DHX37: variants seen among roughly 807,000 people sequenced by gnomAD.
The protein encoded by DHX37 is DEAH-box helicase 37, also known as probable ATP-dependent RNA helicase DHX37.
DHX37 carries 52 observed loss-of-function variants against 134.3 expected under a neutral mutation model. The ratio of observed to expected loss-of-function variants is 0.39; its 90% confidence interval spans 0.31 to 0.49. DHX37 has a LOEUF of 0.49. Ranked by LOEUF, DHX37 falls within the 20% of genes least tolerant of loss-of-function variation. The probability of loss-of-function intolerance (pLI) is 0.93; values close to 1 mark genes in which losing one functional copy is unlikely to be tolerated. For synonymous variants in DHX37, 634 were observed against 670.7 expected (o/e 0.95, Z 0.85); for missense variants, 1,344 against 1,580.8 (o/e 0.85, Z 2.54).
At chr12:124,988,850 C>T in intron 1 of DHX37, 67 bp downstream of exon 1, 1 of 1,081,968 alleles carries the variant, frequency 9.2e-7, no homozygotes, top group Non-Finnish European at 1.2e-6. Context: ...CCCGAGAGTC[C>T]TGAAGGCAGG....
At chr12:124,960,479 T>A in intron 15 of DHX37, 56 bp from the exon 16 acceptor site, 1 of 1,600,766 alleles carries the variant, frequency 6.2e-7, no homozygotes, top group African/African-American at 1.3e-5. Context: ...AAACCACAGA[T>A]GAATACAGCC....
chr12:124,978,774 A>C (rs1954698010), intron 4 of DHX37, among the ~76,000 whole-genome samples: 1 of 151,484 alleles, frequency 6.6e-6, no homozygotes, highest in African/African-American at 2.4e-5. Flanking sequence ...AAAAATAAAA[A>C]TAAAAAAGTT....
Position 124,966,853 on chromosome 12 carries a change from C to A in DHX37, c.1530G>T (p.Ser510=). 6.2e-7 allele frequency: 1 copy of A among 1,614,262 alleles called. No individual in the cohort carries two copies. The highest frequency in any genetic ancestry group is 8.5e-7 in the Non-Finnish European group (1 of 1,180,044). The part of the protein sequence containing the change: ...PQEKDDDQKD[S]VEEMRKFKKS... ...TCTTAAACTTCCGCATTTCCTCCAC[C>A]GAGTCTTTCTGATCGTCGTCCTTTT... is the stretch of plus-strand genomic sequence containing the variant. The change falls in exon 12 of 27, where the codon TCG becomes TCT. Residue 510 remains serine, a synonymous_variant. Coordinates refer to ENST00000308736, the MANE Select transcript of DHX37 (RefSeq NM_032656.4).
At chr12:124,971,680 C>A (rs1232011927) in intron 7 of DHX37, among the ~76,000 whole-genome samples, 1 of 152,220 alleles carries the variant, frequency 6.6e-6, no homozygotes, top group Non-Finnish European at 1.5e-5. Context: ...CACTGCCACC[C>A]CCAGGAGTCC....
Position 124,957,068 on chromosome 12 carries a change from A to G in DHX37, c.2225T>C (p.Ile742Thr). ...EALLAAEELL[I>T]ALGALQPPQK... The stretch of plus-strand genomic sequence containing the variant: ...GGGCGGTTGCAGGGCACCCAGTGCG[A>G]TCAACAGCTCCTCGGCGGCAAGAAG... The change falls in exon 17 of 27, where the codon ATC (isoleucine) becomes ACC (threonine). Residue 742 changes from isoleucine (I) to threonine (T), a missense_variant. By Grantham distance (89) the Ile-to-Thr change is moderately conservative. This residue lies in a region of DHX37 where 558 missense variants were observed against 650.0 expected (regional missense o/e 0.86). Transcript: ENST00000308736. The G allele has an allele frequency of 6.6e-7, 1 of 1,504,450 alleles. No homozygotes were observed. Among genetic ancestry groups the G allele is most frequent in the South Asian group, 1.4e-5 (1 of 73,592 alleles). The allele number at this position is 1,504,450 out of a possible 1,614,324, so 93.2% of individuals were successfully genotyped here.
chr12:124,964,409 G>A lies in DHX37; in HGVS notation c.2030C>T (p.Pro677Leu), dbSNP rs1954335751. The A allele has an allele frequency of 6.2e-7, 1 of 1,613,528 alleles. No homozygotes were observed. Among genetic ancestry groups the A allele is most frequent in the Non-Finnish European group, 8.5e-7 (1 of 1,179,856 alleles). The change falls in exon 15 of 27, where the codon CCC (proline) becomes CTC (leucine). Residue 677 changes from proline (P) to leucine (L), a missense_variant. Physicochemically the swap from Pro to Leu is moderately conservative, Grantham distance 98. Around this residue, in one of 7 missense-constraint regions of DHX37, gnomAD observed 39 missense variants for 87.9 expected, o/e 0.44. Coordinates refer to ENST00000308736, the MANE Select transcript of DHX37 (RefSeq NM_032656.4). Reference protein sequence around the residue: ...QRAGRAGRTEPGHCYRLYSSA... With the variant: ...QRAGRAGRTELGHCYRLYSSA... ...GGTGACCCACCTGTAGCAGTGGCCGGGCTCCGTCCGTCCTGCTCTGCCCGC... is the reference window on the plus strand; with the variant it reads ...GGTGACCCACCTGTAGCAGTGGCCGAGCTCCGTCCGTCCTGCTCTGCCCGC...
intron 4 of DHX37, among the ~76,000 whole-genome samples, chr12:124,979,621 G>A (rs1010345712): frequency 2.9e-4 from 44 of 152,284 alleles, no homozygotes; most frequent in South Asian, 1.9e-3. Context: ...GCAAACCTAC[G>A]GTATGTATTG....
chr12:124,975,497 A>G lies in DHX37; in HGVS notation c.902T>C (p.Ile301Thr). 6.2e-7 allele frequency: 1 copy of G among 1,612,520 alleles called. No individual in the cohort carries two copies. Among genetic ancestry groups the G allele is most frequent in the Non-Finnish European group, 8.5e-7 (1 of 1,179,998 alleles). Residue 301 changes from isoleucine (I) to threonine (T), a missense_variant, in exon 6 of 27, where the codon ATC (isoleucine) becomes ACC (threonine). Ile to Thr is a moderately conservative substitution (Grantham distance 89, BLOSUM62 -1). Around this residue, in one of 7 missense-constraint regions of DHX37, gnomAD observed 77 missense variants for 121.6 expected, o/e 0.63. Transcript: ENST00000308736. The stretch of plus-strand genomic sequence containing the variant: ...CACTCGGCGGGGCTCCGTGACACCG[A>G]TGATGCTGTCTTCACTGGGGGAGGA... ...EAGFSSEDSI[I>T]GVTEPRRVAA...
Position 124,976,972 on chromosome 12 carries a change from G to A in DHX37, c.887+370C>T, listed in dbSNP as rs190740527. Among the ~76,000 whole-genome samples, 31 of 151,780 alleles carry A rather than the reference G, an allele frequency of 2.0e-4. 2 individuals carry two copies. Among genetic ancestry groups the A allele is most frequent in the Admixed American group, 3.9e-4 (6 of 15,232 alleles). ...TGAGGCAGGAGAATCACTTGAACCC[G>A]GGAGGCGGAGTTGCAGTGAGCCAAT... On this transcript the variant is annotated intron_variant, in intron 5 of 26. Coordinates refer to ENST00000308736, the MANE Select transcript of DHX37 (RefSeq NM_032656.4).
In DHX37 at chr12:124,966,702, C is replaced by T. The variant is rs996993105; in HGVS notation, c.1590+91G>A. ...TTAACTTCATTTTATTCCAATTACA[C>T]TTAAACCTAAGCAGCCACATGGGGC... On this transcript the variant is annotated intron_variant, in intron 12 of 26. Coordinates refer to ENST00000308736, the MANE Select transcript of DHX37 (RefSeq NM_032656.4). 43 of 1,344,552 alleles carry T rather than the reference C, an allele frequency of 3.2e-5. No individual in the cohort carries two copies. The Admixed American group carries it at 7.5e-4, about 24-fold the overall frequency. The allele number at this position is 1,344,552 out of a possible 1,614,324, so 83.3% of individuals were successfully genotyped here.
chr12:124,957,190 T>C (rs1954116947), intron 16 of DHX37, 55 bp from the exon 17 acceptor site: 3 of 1,421,622 alleles, frequency 2.1e-6, no homozygotes, highest in Admixed American at 2.7e-5. Flanking sequence ...ACAAGTCCGG[T>C]GCTCCTGCTC....
rs906347947 is a variant in DHX37, at chr12:124,949,923, G to A, written c.3290+63C>T. ...TGTGGTGCTTTGTCCTGGCAGCCCC[G>A]GGGAGGTCATTCAGGCCTCGGACCC... On this transcript the variant is annotated intron_variant, in intron 25 of 26. Coordinates refer to ENST00000308736, the MANE Select transcript of DHX37 (RefSeq NM_032656.4). This position sits in a 1 kb window ranked among gnomAD's most constrained non-coding sequence, Gnocchi z 4.0. The A allele has an allele frequency of 2.3e-5, 34 of 1,510,420 alleles. No homozygotes were observed. Among genetic ancestry groups the A allele is most frequent in the Middle Eastern group, 1.8e-4 (1 of 5,494 alleles). The allele number at this position is 1,510,420 out of a possible 1,614,324, so 93.6% of individuals were successfully genotyped here. A position where few individuals can be genotyped will look rare whatever the true frequency, so the allele number is the denominator to read the frequency against.
At chr12:124,962,346 C>A (rs1399163328) in intron 15 of DHX37, among the ~76,000 whole-genome samples, 1 of 152,020 alleles carries the variant, frequency 6.6e-6, no homozygotes, top group African/African-American at 2.4e-5. Flanking sequence ...CATGGTGAAA[C>A]CCCGTCTCTA....
Position 124,954,162 on chromosome 12 carries a change from G to T in DHX37, c.2503C>A (p.Arg835=). The T allele has an allele frequency of 6.2e-7, 1 of 1,612,028 alleles. No individual in the cohort carries two copies. Among genetic ancestry groups the T allele is most frequent in the South Asian group, 1.1e-5 (1 of 90,786 alleles). Residue 835 remains arginine (R), a synonymous_variant, in exon 19 of 27, where the codon CGG becomes AGG. Transcript: ENST00000308736. ...CAGGTCCTCTTCATCTGGGCCACCC[G>T]GGCCCGCTTGCTCTTCAGCCTGGTG... ...ELTRLKSKRA[R]VAQMKRTWAG... is the part of the protein sequence containing the mutation.
chr12:124,966,439 T>C (rs12580435), intron 12 of DHX37, among the ~76,000 whole-genome samples: 40,214 of 152,078 alleles, frequency 0.26, 5,712 homozygotes, highest in East Asian at 0.58. Flanking sequence ...TCACAGCTCA[T>C]TGCAGCCTTG....
chr12:124,964,778 T>C (rs1954342902), intron 14 of DHX37, 152 bp from the exon 15 acceptor site: 2 of 1,445,294 alleles, frequency 1.4e-6, no homozygotes, highest in South Asian at 1.4e-5. Context: ...TGGGGGAGGG[T>C]TCCCTATTCT....
At chr12:124,952,130 G>C (rs932076085) in intron 21 of DHX37, among the ~76,000 whole-genome samples, 2 of 152,144 alleles carry the variant, frequency 1.3e-5, no homozygotes, top group African/African-American at 4.8e-5. Context: ...CTGGGCAACA[G>C]AGCGAGACCT....
chr12:124,948,374 T>G, intron 25 of DHX37, 193 bp from the exon 26 acceptor site: 1 of 1,038,184 alleles, frequency 9.6e-7, no homozygotes, highest in Non-Finnish European at 1.4e-6. Flanking sequence ...CCCTTGAGCC[T>G]GGGAGTTGGA....
Position 124,986,198 on chromosome 12 carries a change from C to A in DHX37, c.174G>T (p.Lys58Asn). Residue 58 changes from lysine to asparagine, a missense_variant, in exon 2 of 27, where the codon AAG becomes AAT. Physicochemically the swap from Lys to Asn is moderately conservative, Grantham distance 94. This residue lies in a region of DHX37 where 319 missense variants were observed against 296.1 expected (regional missense o/e 1.08). Coordinates refer to ENST00000308736, the MANE Select transcript of DHX37 (RefSeq NM_032656.4). ...TCTTCGACAGGGGAGGGGCTTTGGT[C>A]TTCTTTTTCTTCTTCCCCGGTAGAA... ...ALVLPGKKKK[K>N]TKAPPLSKKE... 6.2e-7 allele frequency: 1 copy of A among 1,614,160 alleles called. No individual in the cohort carries two copies. Among genetic ancestry groups the A allele is most frequent in the Non-Finnish European group, 8.5e-7 (1 of 1,180,028 alleles).
Sources: gnomAD v4.1 joint callset for allele counts (sites outside exome capture counted in the v4.1 genomes callset) on GRCh38, gnomAD v4.1.1 for gene constraint, gnomAD v4.1.1 regional missense constraint, Gnocchi (gnomAD v3.1) non-coding constraint, MANE v1.5 for transcripts, NCBI Gene and HGNC (gene_info 2026-07-23, HGNC 2026-07-21) for gene names.